Variants in TAOK3 observed in about 807,000 individuals in gnomAD.
The protein encoded by TAOK3 is serine/threonine-protein kinase TAO3.
Under a neutral mutation model 120.4 loss-of-function variants are expected in TAOK3, and 40 were observed. The ratio of observed to expected loss-of-function variants is 0.33; its 90% confidence interval spans 0.26 to 0.43. The LOEUF (loss-of-function observed/expected upper bound fraction) is 0.43, where lower values mean the gene tolerates loss of function less well. TAOK3 is among the 20% of genes least tolerant of loss of function. TAOK3 has a pLI of 1.00. For synonymous variants in TAOK3, 355 were observed against 387.5 expected, an observed-to-expected ratio of 0.92 and a Z score of 0.99; for missense variants, 821 against 1,112.1, an observed-to-expected ratio of 0.74 and a Z score of 3.72.
chr12:118,258,017 A>T (rs1025343341), intron 2 of TAOK3, among the ~76,000 whole-genome samples: 2 of 152,164 alleles, frequency 1.3e-5, no homozygotes, highest in African/African-American at 4.8e-5. Flanking sequence ...GAAAATAAAT[A>T]TTTTTTAATA....
chr12:118,331,446 A>C (rs1437007240), intron 1 of TAOK3, among the ~76,000 whole-genome samples: 2 of 152,100 alleles, frequency 1.3e-5, no homozygotes, highest in South Asian at 2.1e-4. Context: ...GAAGTTCGAG[A>C]CCAGCCTGGC....
chr12:118,296,377 A>G (rs1593449350), intron 1 of TAOK3, among the ~76,000 whole-genome samples: 1 of 152,030 alleles, frequency 6.6e-6, no homozygotes, highest in Admixed American at 6.6e-5. Context: ...CAGGTGATCC[A>G]CCCTCCTGGG....
chr12:118,228,003 T>A (rs2039588912), intron 9 of TAOK3, among the ~76,000 whole-genome samples: 1 of 152,196 alleles, frequency 6.6e-6, no homozygotes, highest in Non-Finnish European at 1.5e-5. Flanking sequence ...TTAGATTTAT[T>A]ATAATCTTGT....
chr12:118,217,739 G>A (rs2038979166), intron 9 of TAOK3, among the ~76,000 whole-genome samples: 1 of 140,364 alleles, frequency 7.1e-6, no homozygotes, highest in South Asian at 2.2e-4. Context: ...TCTATATATA[G>A]ACAGTTAATT....
chr12:118,169,597 C>T (rs1382843826), intron 17 of TAOK3, among the ~76,000 whole-genome samples: 1 of 152,116 alleles, frequency 6.6e-6, no homozygotes, highest in Non-Finnish European at 1.5e-5. Context: ...AGGTATGAGC[C>T]AGCATGCCCG....
At chr12:118,214,745 T>C (rs1015549252) in intron 9 of TAOK3, among the ~76,000 whole-genome samples, 1 of 77,668 alleles carries the variant, frequency 1.3e-5, no homozygotes, top group Non-Finnish European at 2.6e-5. Context: ...TTTCTTTCTT[T>C]CTTTTTTTTT....
chr12:118,293,338 TAC>T (rs1407459231), intron 1 of TAOK3, among the ~76,000 whole-genome samples: 6 of 152,354 alleles, frequency 3.9e-5, no homozygotes, highest in Admixed American at 2.6e-4. Flanking sequence ...ATGTTAGCGA[TAC>T]ACAGTCAAGT....
At chr12:118,311,596 T>C (rs1004885800) in intron 1 of TAOK3, among the ~76,000 whole-genome samples, 3 of 150,026 alleles carry the variant, frequency 2.0e-5, no homozygotes, top group Non-Finnish European at 3.0e-5. Flanking sequence ...AGACAAAGAA[T>C]AAGTCTCATT....
At chr12:118,260,242 G>A (rs2041167841) in intron 2 of TAOK3, among the ~76,000 whole-genome samples, 1 of 152,068 alleles carries the variant, frequency 6.6e-6, no homozygotes, top group South Asian at 2.1e-4. Context: ...GATCCTCCCG[G>A]CTCTGCCTCC....
chr12:118,259,199 C>G (rs770461291), intron 2 of TAOK3, among the ~76,000 whole-genome samples: 12 of 152,116 alleles, frequency 7.9e-5, no homozygotes, highest in Non-Finnish European at 1.3e-4. Flanking sequence ...CTGCTTCTAG[C>G]CAAGATGGAG....
intron 1 of TAOK3, among the ~76,000 whole-genome samples, chr12:118,294,085 GGAGA>G (rs1408184216): frequency 1.3e-5 from 2 of 151,984 alleles, no homozygotes; most frequent in Non-Finnish European, 2.9e-5. Context: ...CAGTGGAGGT[GGAGA>G]GAATCTATTT....
chr12:118,164,303 G>A (rs145038785), intron 17 of TAOK3, among the ~76,000 whole-genome samples: 7,885 of 151,248 alleles, frequency 0.052, 411 homozygotes, highest in East Asian at 0.23. Flanking sequence ...CTCCAGCCTG[G>A]GGGACAGAGC....
intron 1 of TAOK3, among the ~76,000 whole-genome samples, chr12:118,335,452 A>G (rs2044328297): frequency 6.6e-6 from 1 of 152,196 alleles, no homozygotes; most frequent in Admixed American, 6.5e-5. Flanking sequence ...CATGAAAGAC[A>G]TTGCCTTTGT....
At chr12:118,312,813 C>T (rs893122656) in intron 1 of TAOK3, among the ~76,000 whole-genome samples, 16 of 152,180 alleles carry the variant, frequency 1.1e-4, no homozygotes, top group Middle Eastern at 3.4e-3. Flanking sequence ...TGAGTAACAC[C>T]GATCTTAACT....
At chr12:118,265,352 C>A (rs1179114067) in intron 2 of TAOK3, among the ~76,000 whole-genome samples, 1 of 148,752 alleles carries the variant, frequency 6.7e-6, no homozygotes, top group African/African-American at 2.5e-5. Context: ...TCATGCCACT[C>A]CACTCCAGCC....
intron 9 of TAOK3, among the ~76,000 whole-genome samples, chr12:118,224,788 C>T (rs576061787): frequency 5.3e-5 from 8 of 152,094 alleles, no homozygotes; most frequent in African/African-American, 1.9e-4. Context: ...TGATGCCATC[C>T]CAGCAATTCA....
chr12:118,228,725 C>T (rs1734452859), intron 9 of TAOK3, among the ~76,000 whole-genome samples: 1 of 152,278 alleles, frequency 6.6e-6, no homozygotes, highest in East Asian at 1.9e-4. Flanking sequence ...ACACATTTTC[C>T]AGTGTGTATG....
chr12:118,270,075 T>C (rs1399387573), intron 1 of TAOK3, among the ~76,000 whole-genome samples: 13 of 152,230 alleles, frequency 8.5e-5, no homozygotes. Context: ...TCTTAATTTC[T>C]GCCCATTTAA....
intron 9 of TAOK3, among the ~76,000 whole-genome samples, chr12:118,218,141 C>T (rs1414496310): frequency 2.6e-5 from 4 of 151,666 alleles, no homozygotes; most frequent in Non-Finnish European, 5.9e-5. Flanking sequence ...ATTGACCTCT[C>T]AATAGGATAC....
Sources: gnomAD v4.1 joint callset for allele counts (sites outside exome capture counted in the v4.1 genomes callset) on GRCh38, gnomAD v4.1.1 for gene constraint, MANE v1.5 for transcripts, NCBI Gene and HGNC (gene_info 2026-07-23, HGNC 2026-07-21) for gene names.